Variants in LIN28B observed in about 807,000 individuals in gnomAD.
The protein encoded by LIN28B is protein lin-28 homolog B.
LIN28B carries 5 observed loss-of-function variants against 21.9 expected under a neutral mutation model. The ratio of observed to expected loss-of-function variants is 0.23; its 90% confidence interval spans 0.12 to 0.48. LIN28B has a LOEUF of 0.48. LIN28B is among the 20% of genes least tolerant of loss of function. LIN28B has a pLI of 0.98. For missense variants in LIN28B, 245 were observed against 310.5 expected (o/e 0.79, Z 1.58); for synonymous variants, 109 against 111.3 (o/e 0.98, Z 0.13).
chr6:104,989,589 T>G (rs536498804), intron 2 of LIN28B, among the ~76,000 whole-genome samples: 3 of 144,716 alleles, frequency 2.1e-5, no homozygotes, highest in Admixed American at 7.0e-5. Flanking sequence ...TTTTTTTTTT[T>G]TTTTTTTTTT....
At chr6:104,959,709 C>T (rs1378657421) in intron 2 of LIN28B, among the ~76,000 whole-genome samples, 3 of 152,200 alleles carry the variant, frequency 2.0e-5, no homozygotes, top group African/African-American at 7.2e-5. Context: ...AATGAAGCTA[C>T]ATTTTCTGTT....
At chr6:104,997,169 T>C (rs1172365925) in intron 2 of LIN28B, among the ~76,000 whole-genome samples, 2 of 151,376 alleles carry the variant, frequency 1.3e-5, no homozygotes, top group Non-Finnish European at 2.9e-5. Context: ...TAGTCCCAGC[T>C]ACTCGGGAGG....
At chr6:105,036,054 A>G (rs1771514714) in intron 3 of LIN28B, among the ~76,000 whole-genome samples, 1 of 152,128 alleles carries the variant, frequency 6.6e-6, no homozygotes, top group Non-Finnish European at 1.5e-5. Context: ...CCTTTTTGAG[A>G]CTGCTCTTTT....
At chr6:105,039,997 G>T (rs1771600646) in intron 3 of LIN28B, among the ~76,000 whole-genome samples, 1 of 152,108 alleles carries the variant, frequency 6.6e-6, no homozygotes, top group South Asian at 2.1e-4. Context: ...TTCAAGTTTA[G>T]TCTGATGTTT....
At chr6:104,982,775 T>C (rs567692043) in intron 2 of LIN28B, among the ~76,000 whole-genome samples, 16 of 152,270 alleles carry the variant, frequency 1.1e-4, no homozygotes, top group Non-Finnish European at 2.1e-4. Flanking sequence ...TTAAAGATCT[T>C]TTAAACATCT....
intron 3 of LIN28B, among the ~76,000 whole-genome samples, chr6:105,036,234 C>T (rs562780071): frequency 1.3e-5 from 2 of 152,250 alleles, no homozygotes; most frequent in African/African-American, 4.8e-5. Flanking sequence ...GTATCCTGGA[C>T]AGCTGTGAAT....
At chr6:104,937,792 G>A (rs562139979) in intron 2 of LIN28B, among the ~76,000 whole-genome samples, 1 of 152,046 alleles carries the variant, frequency 6.6e-6, no homozygotes, top group African/African-American at 2.4e-5. Flanking sequence ...TATAATCAGG[G>A]TGCATTCAGA....
chr6:104,998,211 A>G (rs1217132552), intron 2 of LIN28B, among the ~76,000 whole-genome samples: 5 of 152,224 alleles, frequency 3.3e-5, no homozygotes, highest in African/African-American at 1.2e-4. Flanking sequence ...GTTAAAACCA[A>G]GAAATAATTG....
chr6:104,975,350 T>C (rs1034303718), intron 2 of LIN28B, among the ~76,000 whole-genome samples: 1 of 152,188 alleles, frequency 6.6e-6, no homozygotes, highest in East Asian at 1.9e-4. Context: ...TTAACATTTG[T>C]AGTTATTTTA....
At position 104,958,303 on chromosome 6, in the gene LIN28B, T is replaced by A. The variant is rs778522289; in HGVS notation, c.198+17T>A. 6.5e-7 allele frequency: 1 copy of A among 1,542,092 alleles called. No individual in the cohort carries two copies. The highest frequency in any genetic ancestry group is 8.8e-7 in the Non-Finnish European group (1 of 1,130,520). On this transcript the variant is annotated intron_variant, in intron 2 of 3. Transcript: ENST00000345080. Reference sequence around the variant, plus strand: ...GTACACCAAGTAAGCCAAACTTTTTTGTCCCCCTCTTCATCTTTTTCCATG... The same window carrying A: ...GTACACCAAGTAAGCCAAACTTTTTAGTCCCCCTCTTCATCTTTTTCCATG...
At chr6:105,030,226 C>T (rs1056654912) in intron 3 of LIN28B, among the ~76,000 whole-genome samples, 1 of 152,118 alleles carries the variant, frequency 6.6e-6, no homozygotes, top group Non-Finnish European at 1.5e-5. Flanking sequence ...GAGACTCCTG[C>T]ATAGAAACTG....
intron 2 of LIN28B, among the ~76,000 whole-genome samples, chr6:105,002,853 A>G (rs1163271833): frequency 6.6e-6 from 1 of 152,202 alleles, no homozygotes; most frequent in Admixed American, 6.5e-5. Flanking sequence ...TGTTCAAATT[A>G]ATCAGTAATA....
chr6:105,001,130 T>C (rs1770710983), intron 2 of LIN28B, among the ~76,000 whole-genome samples: 1 of 152,346 alleles, frequency 6.6e-6, no homozygotes, highest in Admixed American at 6.5e-5. Flanking sequence ...GAAGATCTTC[T>C]AGGTTGATCA....
At chr6:105,031,560 G>T (rs1300180620) in intron 3 of LIN28B, among the ~76,000 whole-genome samples, 12 of 148,316 alleles carry the variant, frequency 8.1e-5, no homozygotes, top group African/African-American at 2.7e-4. Flanking sequence ...TTGAAATGGA[G>T]TCTGGCTCCA....
At chr6:105,077,586 C>T (rs1004752019) in intron 3 of LIN28B, among the ~76,000 whole-genome samples, 1 of 152,090 alleles carries the variant, frequency 6.6e-6, no homozygotes, top group Non-Finnish European at 1.5e-5. Flanking sequence ...ATATTATGGA[C>T]GGATTTCCAT....
intron 2 of LIN28B, among the ~76,000 whole-genome samples, chr6:104,978,137 A>G (rs1221352179): frequency 1.3e-5 from 2 of 152,202 alleles, no homozygotes; most frequent in Non-Finnish European, 2.9e-5. Flanking sequence ...GAAATCCAAG[A>G]TAGTTTTGGG....
intron 3 of LIN28B, among the ~76,000 whole-genome samples, chr6:105,075,662 T>G (rs1390261525): frequency 3.3e-5 from 5 of 152,196 alleles, no homozygotes; most frequent in African/African-American, 9.7e-5. Context: ...TAAAAATAAC[T>G]TTTATAGCCC....
chr6:104,944,653 A>C (rs1582855474), intron 2 of LIN28B, among the ~76,000 whole-genome samples: 1 of 152,148 alleles, frequency 6.6e-6, no homozygotes, highest in African/African-American at 2.4e-5. Flanking sequence ...ACTGTGCTCT[A>C]CATTATATGA....
chr6:105,062,939 AT>A (rs1772150191), intron 3 of LIN28B, among the ~76,000 whole-genome samples: 1 of 151,998 alleles, frequency 6.6e-6, no homozygotes, highest in Admixed American at 6.6e-5. Context: ...TATGAGCCAT[AT>A]TTCTTATGTA....
Sources: gnomAD v4.1 joint callset for allele counts (sites outside exome capture counted in the v4.1 genomes callset) on GRCh38, gnomAD v4.1.1 for gene constraint, MANE v1.5 for transcripts, NCBI Gene and HGNC (gene_info 2026-07-23, HGNC 2026-07-21) for gene names.